The following MPHOSPH10 variants were observed in gnomAD, a reference collection of about 807,000 sequenced individuals.
MPHOSPH10 encodes the protein M-phase phosphoprotein 10.
A neutral mutation model predicts 77.3 loss-of-function variants in MPHOSPH10; 33 were observed. The observed-to-expected ratio is 0.43, with a 90% confidence interval of 0.32 to 0.57. The LOEUF is 0.57. MPHOSPH10 is among the 20% of genes least tolerant of loss of function. MPHOSPH10 has a pLI of 0.07. For synonymous variants in MPHOSPH10, 245 were observed against 268.0 expected, an observed-to-expected ratio of 0.91 and a Z score of 0.84; for missense variants, 708 against 780.1, an observed-to-expected ratio of 0.91 and a Z score of 1.10.
chr2:71,149,872 G>C lies in MPHOSPH10; in HGVS notation c.1903G>C (p.Gly635Arg). 2 of 1,536,928 alleles carry C rather than the reference G, an allele frequency of 1.3e-6. No individual in the cohort carries two copies. Among genetic ancestry groups the C allele is most frequent in the East Asian group, 4.7e-5 (2 of 42,846 alleles). ...GTGGTGTTTTTAATTGCAGGATGAA[G>C]GTAAAGACAAGGCCTTAAAGTCCTC... ...TGKASFIKDE[G>R]KDKALKSSQA... The change falls in exon 11 of 11, where the codon GGT (glycine) becomes CGT (arginine). Residue 635 changes from glycine (G) to arginine (R), a missense_variant. By Grantham distance (125) the Gly-to-Arg change is moderately radical. Coordinates refer to ENST00000244230, the MANE Select transcript of MPHOSPH10 (RefSeq NM_005791.3).
intron 1 of MPHOSPH10, among the ~76,000 whole-genome samples, chr2:71,132,005 G>A (rs1460972621): frequency 6.6e-6 from 1 of 152,128 alleles, no homozygotes; most frequent in East Asian, 1.9e-4. Context: ...CTCAGTAAAT[G>A]GCACTTCTGT....
At chr2:71,142,124 A>G (rs1572900109) in intron 7 of MPHOSPH10, among the ~76,000 whole-genome samples, 1 of 152,228 alleles carries the variant, frequency 6.6e-6, no homozygotes, top group East Asian at 1.9e-4. Flanking sequence ...TAATAATCGA[A>G]TTATTCCTTC....
chr2:71,134,490 A>G, intron 3 of MPHOSPH10, 136 bp from the exon 4 acceptor site: 1 of 751,770 alleles, frequency 1.3e-6, no homozygotes, highest in Non-Finnish European at 2.1e-6. Context: ...TTAATAACTG[A>G]ATGATTTTGG....
In MPHOSPH10 at chr2:71,130,718, T is replaced by A; in HGVS notation, c.53T>A (p.Val18Asp). ...ACCCTGGAGCGGTGTCTGACGGAAG[T>A]CGGCAAAGCCACGGGTCGGCCCGAG... ...RRTLERCLTE[V>D]GKATGRPECF... is the part of the protein sequence containing the mutation. Residue 18 changes from valine to aspartate, a missense_variant, in exon 1 of 11, where the codon GTC (valine) becomes GAC (aspartate). Physicochemically the swap from Val to Asp is radical, Grantham distance 152. This residue lies in a region of MPHOSPH10 where 433 missense variants were observed against 432.6 expected (regional missense o/e 1.00). Coordinates refer to ENST00000244230, the MANE Select transcript of MPHOSPH10 (RefSeq NM_005791.3). 6.2e-7 allele frequency: 1 copy of A among 1,610,928 alleles called. No individual in the cohort carries two copies. The highest frequency in any genetic ancestry group is 8.5e-7 in the Non-Finnish European group (1 of 1,179,320).
chr2:71,135,107 G>A lies in MPHOSPH10; in HGVS notation c.1098+310G>A, dbSNP rs144204315. 7.0e-4 allele frequency among the ~76,000 whole-genome samples: 106 copies of A among 152,290 alleles called. No individual in the cohort carries two copies. In the East Asian group the frequency reaches 9.1e-3, roughly 13 times the overall value. On this transcript the variant is annotated intron_variant, in intron 4 of 10. Transcript: ENST00000244230. ...CTTGAGCCTAGGAGGTTGATGCTGCGGTGAGCTAAGATTGCATCACTGCTC... is the reference window on the plus strand; with the variant it reads ...CTTGAGCCTAGGAGGTTGATGCTGCAGTGAGCTAAGATTGCATCACTGCTC...
rs1673672180 is a variant in MPHOSPH10, at chr2:71,144,523, C to T, written c.1542C>T (p.His514=). 6.2e-7 allele frequency: 1 copy of T among 1,612,698 alleles called. No individual in the cohort carries two copies. The highest frequency in any genetic ancestry group is 1.1e-5 in the South Asian group (1 of 91,022). The change falls in exon 8 of 11, where the codon CAC becomes CAT. Residue 514 remains histidine, a synonymous_variant. Transcript: ENST00000244230. ...FLKLDALSNF[H]FIPKPPVPEI... is the part of the protein sequence containing the mutation. ...AATTGGATGCCCTCTCAAACTTCCA[C>T]TTTATCCCTAAACCGGTAAGTGTGT...
At chr2:71,138,411 T>C (rs539034260) in intron 4 of MPHOSPH10, 79 bp from the exon 5 acceptor site, 22 of 1,168,540 alleles carry the variant, frequency 1.9e-5, no homozygotes, top group Non-Finnish European at 2.5e-5. Flanking sequence ...TTTCCCACTT[T>C]TTAAATTATT....
At chr2:71,145,976 AC>A in intron 8 of MPHOSPH10, among the ~76,000 whole-genome samples, 1 of 152,286 alleles carries the variant, frequency 6.6e-6, no homozygotes, top group African/African-American at 2.4e-5. Context: ...ATGTCTCACC[AC>A]TTGGCTCCTT....
At chr2:71,132,783 C>G in intron 1 of MPHOSPH10, 115 bp from the exon 2 acceptor site, 1 of 1,341,838 alleles carries the variant, frequency 7.5e-7, no homozygotes, top group Non-Finnish European at 1.0e-6. Context: ...AGAATCTATA[C>G]TTATACTTCA....
intron 7 of MPHOSPH10, among the ~76,000 whole-genome samples, chr2:71,141,857 C>A (rs1673620456): frequency 6.6e-6 from 1 of 151,950 alleles, no homozygotes; most frequent in Non-Finnish European, 1.5e-5. Context: ...TAGTGAAACC[C>A]CATCTCTACT....
At chr2:71,135,566 A>C (rs766666650) in intron 4 of MPHOSPH10, among the ~76,000 whole-genome samples, 1 of 152,056 alleles carries the variant, frequency 6.6e-6, no homozygotes, top group Non-Finnish European at 1.5e-5. Flanking sequence ...AAAATTTTTA[A>C]AGATAATTGT....
intron 7 of MPHOSPH10, among the ~76,000 whole-genome samples, chr2:71,142,035 AAAAGAAAG>A (rs141483199): frequency 1.3e-5 from 2 of 151,670 alleles, no homozygotes; most frequent in African/African-American, 4.8e-5. Context: ...CCATCTCAAA[AAAAGAAAG>A]AAAGAAAGGA....
At chr2:71,132,197 C>T (rs986046496) in intron 1 of MPHOSPH10, among the ~76,000 whole-genome samples, 5 of 152,246 alleles carry the variant, frequency 3.3e-5, no homozygotes, top group Non-Finnish European at 5.9e-5. Context: ...CATCAACCTT[C>T]TAATCACTGT....
In MPHOSPH10 at chr2:71,139,780, T is replaced by C. The variant is rs1018811413; in HGVS notation, c.1241-15T>C. The C allele has an allele frequency of 1.3e-6, 2 of 1,582,806 alleles. No homozygotes were observed. The highest frequency in any genetic ancestry group is 2.7e-5 in the African/African-American group (2 of 74,204). ...TGGATATCTACCTAATGAATAAACG[T>C]TGTATATCCTTTAGCACCTGTGATT... On this transcript the variant is annotated splice_polypyrimidine_tract_variant and intron_variant, in intron 5 of 10. Coordinates refer to ENST00000244230, the MANE Select transcript of MPHOSPH10 (RefSeq NM_005791.3).
chr2:71,141,519 G>C, intron 7 of MPHOSPH10, 150 bp downstream of exon 7: 1 of 630,106 alleles, frequency 1.6e-6, no homozygotes, highest in Non-Finnish European at 2.4e-6. Context: ...AGGAATAGAA[G>C]GGTTCTAATA....
Position 71,138,502 on chromosome 2 carries a change from A to T in MPHOSPH10, c.1111A>T (p.Ile371Phe), listed in dbSNP as rs770925225. Residue 371 changes from isoleucine (I) to phenylalanine (F), a missense_variant, in exon 5 of 11, where the codon ATT (isoleucine) becomes TTT (phenylalanine). By Grantham distance (21) the Ile-to-Phe change is conservative. This residue lies in a region of MPHOSPH10 where 433 missense variants were observed against 432.6 expected (regional missense o/e 1.00). Transcript: ENST00000244230. The stretch of plus-strand genomic sequence containing the variant: ...ATCTCTTTCTTAGATGAATGAAAAA[A>T]TTGCATCTTTAGAAAAAGAGTTGTT... ...EKRQEKMNEK[I>F]ASLEKELLEK... is the part of the protein sequence containing the mutation. The T allele has an allele frequency of 1.6e-5, 25 of 1,582,064 alleles. No homozygotes were observed. Among genetic ancestry groups the T allele is most frequent in the Middle Eastern group, 1.7e-4 (1 of 5,792 alleles).
At chr2:71,134,156 T>C in intron 3 of MPHOSPH10, 51 bp downstream of exon 3, 1 of 1,536,200 alleles carries the variant, frequency 6.5e-7, no homozygotes, top group Non-Finnish European at 8.8e-7. Flanking sequence ...TGCCCAATCA[T>C]GTGTGTGTAC....
intron 10 of MPHOSPH10, 150 bp downstream of exon 10, chr2:71,149,603 A>G: frequency 2.5e-6 from 2 of 803,726 alleles, no homozygotes; most frequent in South Asian, 3.8e-5. Flanking sequence ...GCAACCTTTA[A>G]TGTTCTAGAA....
intron 7 of MPHOSPH10, 38 bp downstream of exon 7, chr2:71,141,407 G>C (rs1673609526): frequency 1.4e-6 from 2 of 1,432,658 alleles, no homozygotes; most frequent in South Asian, 1.6e-5. Flanking sequence ...TATTATTAAA[G>C]AAATAGAAGT....
Sources: gnomAD v4.1 joint callset for allele counts (sites outside exome capture counted in the v4.1 genomes callset) on GRCh38, gnomAD v4.1.1 for gene constraint, gnomAD v4.1.1 regional missense constraint, MANE v1.5 for transcripts, NCBI Gene and HGNC (gene_info 2026-07-23, HGNC 2026-07-21) for gene names.